IGSF3: variants seen among roughly 807,000 people sequenced by gnomAD.
The protein encoded by IGSF3 is immunoglobulin superfamily member 3.
Under a neutral mutation model 114.4 loss-of-function variants are expected in IGSF3, and 23 were observed. The observed-to-expected ratio is 0.20, with a 90% CI of 0.14 to 0.28. IGSF3 has a LOEUF of 0.28. Among genes scored for constraint, IGSF3 ranks in the 10% least tolerant of loss-of-function variants. The probability of loss-of-function intolerance (pLI) is 1.00; values close to 1 mark genes in which losing one functional copy is unlikely to be tolerated. For synonymous variants in IGSF3, 571 were observed against 645.2 expected (o/e 0.88, Z 1.74); for missense variants, 1,172 against 1,591.5 (o/e 0.74, Z 4.48).
At position 116,662,139 on chromosome 1, in the gene IGSF3, C is replaced by T. The variant is rs1261205968; in HGVS notation, c.43+4145G>A. ...AGGCTGGAGTGCAACGGCGCGATCT[C>T]GGCTCACTGCAACCTCTGCCTCCTG... is the stretch of plus-strand genomic sequence containing the variant. On this transcript the variant is annotated intron_variant, in intron 2 of 10. Coordinates refer to ENST00000369486, the MANE Select transcript of IGSF3 (RefSeq NM_001007237.3). The surrounding 1 kb of genome is among the most constrained non-coding windows in gnomAD (Gnocchi z 4.3). Among the ~76,000 whole-genome samples, 1 of 151,962 alleles carries T rather than the reference C, an allele frequency of 6.6e-6. No homozygotes were observed. Among genetic ancestry groups the T allele is most frequent in the Admixed American group, 6.6e-5 (1 of 15,260 alleles).
chr1:116,634,360 G>A lies in IGSF3; in HGVS notation c.44-17903C>T, dbSNP rs1437981568. Among the ~76,000 whole-genome samples the A allele has an allele frequency of 4.6e-5, 7 of 152,198 alleles. No homozygotes were observed. The highest frequency in any genetic ancestry group is 1.3e-4 in the Admixed American group (2 of 15,280). ...AGAACAACTAAAAAACAAGAGCCAC[G>A]TGTTCCCATGGTCCTGGCCAACCCC... On this transcript the variant is annotated intron_variant, in intron 2 of 10. Coordinates refer to ENST00000369486, the MANE Select transcript of IGSF3 (RefSeq NM_001007237.3). The surrounding 1 kb of genome is among the most constrained non-coding windows in gnomAD (Gnocchi z 4.2).
chr1:116,631,317 CAAAAAA>C (rs939848949), intron 2 of IGSF3, among the ~76,000 whole-genome samples: 2 of 46,092 alleles, frequency 4.3e-5, no homozygotes, highest in East Asian at 7.4e-4. Flanking sequence ...GACGCTGTCT[CAAAAAA>C]AAAAAAAAAA....
rs1659388384 is a variant in IGSF3 at position 116,577,348 on chromosome 1, G to A, written c.3549C>T (p.Pro1183=). Residue 1183 remains proline (P), a synonymous_variant, in exon 11 of 11, where the codon CCC becomes CCT. Coordinates refer to ENST00000369486, the MANE Select transcript of IGSF3 (RefSeq NM_001007237.3). The surrounding 1 kb of genome is among the most constrained non-coding windows in gnomAD (Gnocchi z 5.7). ...HLNYSPTCLE[P]PVLSIHPGAI... ...CCCCTGGATGGATACTGAGAACAGG[G>A]GGCTCCAGGCAAGTAGGGGAGTAGT... is the stretch of plus-strand genomic sequence containing the variant. 4.3e-6 allele frequency: 7 copies of A among 1,614,100 alleles called. No individual in the cohort carries two copies. In the East Asian group the frequency reaches 1.1e-4, roughly 26 times the overall value.
In IGSF3 at chr1:116,614,492, T is replaced by C. The variant is rs1247305255; in HGVS notation, c.422-317A>G. Among the ~76,000 whole-genome samples the C allele has an allele frequency of 1.3e-5, 2 of 152,214 alleles. No individual in the cohort carries two copies. Among genetic ancestry groups the C allele is most frequent in the East Asian group, 1.9e-4 (1 of 5,200 alleles). ...ATACTGTCTTTAAACAATTGTCTTATAGGTCAAATAACATTTGCTGTTGAT... is the reference window on the plus strand; with the variant it reads ...ATACTGTCTTTAAACAATTGTCTTACAGGTCAAATAACATTTGCTGTTGAT... On this transcript the variant is annotated intron_variant, in intron 3 of 10. Transcript: ENST00000369486. The surrounding 1 kb of genome is among the most constrained non-coding windows in gnomAD (Gnocchi z 4.5).
chr1:116,579,666 G>GTCCTCCTCC lies in IGSF3; in HGVS notation c.3051_3059dup (p.Glu1017_Glu1019dup), dbSNP rs56982445. On this transcript the variant is annotated inframe_insertion, in exon 10 of 11. Coordinates refer to ENST00000369486, the MANE Select transcript of IGSF3 (RefSeq NM_001007237.3). This position sits in a 1 kb window ranked among gnomAD's most constrained non-coding sequence, Gnocchi z 6.4. ...CTGTTGGGTCGTCGTCGTCGTCGTC[G>GTCCTCCTCC]TCCTCCTCCTCCTCCTCCTCCCTTT... 24 of 1,594,040 alleles carry GTCCTCCTCC rather than the reference G, an allele frequency of 1.5e-5. 1 individual carries two copies. The highest frequency in any genetic ancestry group is 1.9e-5 in the Non-Finnish European group (22 of 1,167,910).
rs1160018712 is a variant in IGSF3, at chr1:116,649,828, T to G, written c.43+16456A>C. Among the ~76,000 whole-genome samples, 2 of 152,216 alleles carry G rather than the reference T, an allele frequency of 1.3e-5. No individual in the cohort carries two copies. Among genetic ancestry groups the G allele is most frequent in the Non-Finnish European group, 2.9e-5 (2 of 68,046 alleles). The stretch of plus-strand genomic sequence containing the variant: ...ACGTGTCACCATATAAACTCACAAT[T>G]TGAGGTGCTCTAGAATCTGTCCGTG... On this transcript the variant is annotated intron_variant, in intron 2 of 10. Coordinates refer to ENST00000369486, the MANE Select transcript of IGSF3 (RefSeq NM_001007237.3). This position sits in a 1 kb window ranked among gnomAD's most constrained non-coding sequence, Gnocchi z 4.5.
In IGSF3 at chr1:116,584,863, T is replaced by A; in HGVS notation, c.2630A>T (p.His877Leu). 1 of 1,614,192 alleles carries A rather than the reference T, an allele frequency of 6.2e-7. No homozygotes were observed. Among genetic ancestry groups the A allele is most frequent in the African/African-American group, 1.3e-5 (1 of 75,066 alleles). Residue 877 changes from histidine (H) to leucine (L), a missense_variant, in exon 9 of 11, where the codon CAC becomes CTC. His to Leu is a moderately conservative substitution (Grantham distance 99, BLOSUM62 -3). This residue lies in a region of IGSF3 where 423 missense variants were observed against 509.8 expected (regional missense o/e 0.83). Coordinates refer to ENST00000369486, the MANE Select transcript of IGSF3 (RefSeq NM_001007237.3). The surrounding 1 kb of genome is among the most constrained non-coding windows in gnomAD (Gnocchi z 5.8). Reference protein sequence around the residue: ...VARLSRDATFHYGEQAAKNNL... With the variant: ...VARLSRDATFLYGEQAAKNNL... ...GTTCTTGGCTGCCTGCTCTCCATAG[T>A]GGAAGGTGGCGTCACGGCTCAAGCG...
chr1:116,614,017 C>T lies in IGSF3; in HGVS notation c.580G>A (p.Glu194Lys). 1 of 1,614,092 alleles carries T rather than the reference C, an allele frequency of 6.2e-7. No individual in the cohort carries two copies. Among genetic ancestry groups the T allele is most frequent in the Non-Finnish European group, 8.5e-7 (1 of 1,179,982 alleles). ...AAATCTCGGCTCAGGGAGATGACCT[C>T]CACGGGCTTCTCGCCAACTTTCTGC... ...LRQKVGEKPV[E>K]VISLSRDFML... Residue 194 changes from glutamate to lysine, a missense_variant, in exon 4 of 11, where the codon GAG (glutamate) becomes AAG (lysine). Coordinates refer to ENST00000369486, the MANE Select transcript of IGSF3 (RefSeq NM_001007237.3). This position sits in a 1 kb window ranked among gnomAD's most constrained non-coding sequence, Gnocchi z 4.5.
intron 2 of IGSF3, among the ~76,000 whole-genome samples, chr1:116,645,285 A>T (rs1648310584): frequency 6.6e-6 from 1 of 152,266 alleles, no homozygotes; most frequent in African/African-American, 2.4e-5. Context: ...TGCCATGTGC[A>T]TCACATTCTG....
At chr1:116,626,162 ATCTCT>A (rs1230317040) in intron 2 of IGSF3, among the ~76,000 whole-genome samples, 1 of 152,188 alleles carries the variant, frequency 6.6e-6, no homozygotes, top group East Asian at 1.9e-4. Flanking sequence ...TAAGTCTTTT[ATCTCT>A]TCTGACTACT....
intron 1 of IGSF3, 68 bp from the exon 2 acceptor site, chr1:116,667,024 A>C (rs1406247603): frequency 2.3e-5 from 9 of 396,122 alleles, no homozygotes; most frequent in Non-Finnish European, 4.0e-5. Context: ...CTGAGCGCTG[A>C]GCTGGTCCGG....
In IGSF3 at chr1:116,605,732, T is replaced by C. The variant is rs1055496188; in HGVS notation, c.1223-1707A>G. ...ATAACAACAATATTCCTCTTTAGAT[T>C]AAAGACTCATCCCCACTGTTATCAA... is the stretch of plus-strand genomic sequence containing the variant. On this transcript the variant is annotated intron_variant, in intron 5 of 10. Transcript: ENST00000369486. The surrounding 1 kb of genome is among the most constrained non-coding windows in gnomAD (Gnocchi z 5.1). Among the ~76,000 whole-genome samples the C allele has an allele frequency of 2.0e-5, 3 of 152,222 alleles. No individual in the cohort carries two copies. The highest frequency in any genetic ancestry group is 7.2e-5 in the African/African-American group (3 of 41,446).
In IGSF3 at chr1:116,588,930, T is replaced by A; in HGVS notation, c.2204A>T (p.His735Leu). The stretch of plus-strand genomic sequence containing the variant: ...AGTACCGTATTCAAAGGCGGAGTTG[T>A]GGGTGGTCTTCAGGATAAGCTTGCC... ...ADGKLILKTT[H>L]NSAFEYGTYA... The change falls in exon 8 of 11, where the codon CAC (histidine) becomes CTC (leucine). Residue 735 changes from histidine (H) to leucine (L), a missense_variant. Physicochemically the swap from His to Leu is moderately conservative, Grantham distance 99. Around this residue, in one of 3 missense-constraint regions of IGSF3, gnomAD observed 736 missense variants for 1,042.0 expected, o/e 0.71. Coordinates refer to ENST00000369486, the MANE Select transcript of IGSF3 (RefSeq NM_001007237.3). This position sits in a 1 kb window ranked among gnomAD's most constrained non-coding sequence, Gnocchi z 4.9. 2 of 1,614,144 alleles carry A rather than the reference T, an allele frequency of 1.2e-6. No individual in the cohort carries two copies. The highest frequency in any genetic ancestry group is 1.7e-5 in the Admixed American group (1 of 60,020).
Position 116,655,704 on chromosome 1 carries a change from G to T in IGSF3, c.43+10580C>A, listed in dbSNP as rs1428325283. ...TTTTTTCTGGTCCATGAACAAACAA[G>T]AACACTTAACTGAATTAGACACAAA... On this transcript the variant is annotated intron_variant, in intron 2 of 10. Transcript: ENST00000369486. The surrounding 1 kb of genome is among the most constrained non-coding windows in gnomAD (Gnocchi z 4.3). Among the ~76,000 whole-genome samples the T allele has an allele frequency of 6.6e-6, 1 of 152,082 alleles. No homozygotes were observed. Among genetic ancestry groups the T allele is most frequent in the Non-Finnish European group, 1.5e-5 (1 of 68,018 alleles).
Position 116,665,434 on chromosome 1 carries a change from A to G in IGSF3, c.43+850T>C, listed in dbSNP as rs1311869575. Among the ~76,000 whole-genome samples the G allele has an allele frequency of 6.6e-6, 1 of 152,180 alleles. No individual in the cohort carries two copies. Among genetic ancestry groups the G allele is most frequent in the African/African-American group, 2.4e-5 (1 of 41,446 alleles). ...AAGAGAATGGCACCAAATCCTGGCA[A>G]TGAAGTTTATCCTAGACCTGAGATG... On this transcript the variant is annotated intron_variant, in intron 2 of 10. Coordinates refer to ENST00000369486, the MANE Select transcript of IGSF3 (RefSeq NM_001007237.3). The surrounding 1 kb of genome is among the most constrained non-coding windows in gnomAD (Gnocchi z 4.0).
chr1:116,652,407 A>C (rs1648668151), intron 2 of IGSF3, among the ~76,000 whole-genome samples: 1 of 152,216 alleles, frequency 6.6e-6, no homozygotes, highest in Non-Finnish European at 1.5e-5. Context: ...TTCTTGAAAA[A>C]TATTTGGTAA....
intron 6 of IGSF3, among the ~76,000 whole-genome samples, chr1:116,601,038 T>C (rs1660556476): frequency 6.6e-6 from 1 of 152,190 alleles, no homozygotes; most frequent in Non-Finnish European, 1.5e-5. Context: ...AGCCTGGAAA[T>C]ACTGTTTAAT....
Position 116,592,790 on chromosome 1 carries a change from A to G in IGSF3, c.2030-3686T>C, listed in dbSNP as rs1228036669. Among the ~76,000 whole-genome samples the G allele has an allele frequency of 2.0e-5, 3 of 152,252 alleles. No homozygotes were observed. Among genetic ancestry groups the G allele is most frequent in the Non-Finnish European group, 4.4e-5 (3 of 68,040 alleles). ...TTCTCTTTCTTACAAAATTCTAAGC[A>G]TATGCAGGGCAGGGACTCTGACCCA... is the stretch of plus-strand genomic sequence containing the variant. On this transcript the variant is annotated intron_variant, in intron 7 of 10. Transcript: ENST00000369486. The surrounding 1 kb of genome is among the most constrained non-coding windows in gnomAD (Gnocchi z 4.5).
chr1:116,578,260 T>A (rs1455926674), intron 10 of IGSF3, among the ~76,000 whole-genome samples: 1 of 152,212 alleles, frequency 6.6e-6, no homozygotes, highest in Non-Finnish European at 1.5e-5. Flanking sequence ...GGGTGACCTC[T>A]GTGCTCGATG....
Sources: gnomAD v4.1 joint callset for allele counts (sites outside exome capture counted in the v4.1 genomes callset) on GRCh38, gnomAD v4.1.1 for gene constraint, gnomAD v4.1.1 regional missense constraint, Gnocchi (gnomAD v3.1) non-coding constraint, MANE v1.5 for transcripts, NCBI Gene and HGNC (gene_info 2026-07-23, HGNC 2026-07-21) for gene names.